Variants in UNC5C observed in about 807,000 individuals in gnomAD.
UNC5C encodes the protein netrin receptor UNC5C.
A neutral mutation model predicts 99.8 loss-of-function variants in UNC5C; 47 were observed. That is an observed-to-expected ratio of 0.47 (90% CI 0.37 to 0.60). The LOEUF is 0.60. Among genes scored for constraint, UNC5C ranks in the 20% least tolerant of loss-of-function variants. The pLI, the probability that UNC5C is intolerant of heterozygous loss-of-function variation, is 0.00. For missense variants in UNC5C, 1,062 were observed against 1,165.9 expected, an observed-to-expected ratio of 0.91 and a Z score of 1.30; for synonymous variants, 487 against 452.2, an observed-to-expected ratio of 1.08 and a Z score of -0.98.
intron 1 of UNC5C, among the ~76,000 whole-genome samples, chr4:95,418,641 C>G (rs184500339): frequency 6.6e-6 from 1 of 152,244 alleles, no homozygotes; most frequent in Non-Finnish European, 1.5e-5. Flanking sequence ...GCTGTCCATG[C>G]CTCTCTGACT....
At chr4:95,250,051 G>T (rs1200326561) in intron 5 of UNC5C, among the ~76,000 whole-genome samples, 2 of 152,070 alleles carry the variant, frequency 1.3e-5, no homozygotes, top group African/African-American at 4.8e-5. Context: ...CTGGAGAGAA[G>T]AGGGCTTATA....
At chr4:95,523,724 AC>A in intron 1 of UNC5C, among the ~76,000 whole-genome samples, 1 of 152,342 alleles carries the variant, frequency 6.6e-6, no homozygotes, top group Middle Eastern at 3.4e-3. Context: ...AAAACCATGT[AC>A]TACAAAAAAA....
At chr4:95,260,858 C>T (rs1024939903) in intron 4 of UNC5C, among the ~76,000 whole-genome samples, 3 of 152,136 alleles carry the variant, frequency 2.0e-5, no homozygotes, top group Admixed American at 6.5e-5. Context: ...AAACAAGAAG[C>T]TTGTATGGTG....
At chr4:95,346,317 A>G (rs1743770572) in intron 1 of UNC5C, among the ~76,000 whole-genome samples, 1 of 152,072 alleles carries the variant, frequency 6.6e-6, no homozygotes, top group South Asian at 2.1e-4. Flanking sequence ...AAAAGCCAGG[A>G]CCCAATGGCT....
chr4:95,391,915 T>C (rs1383855678), intron 1 of UNC5C, among the ~76,000 whole-genome samples: 1 of 151,976 alleles, frequency 6.6e-6, no homozygotes, highest in Non-Finnish European at 1.5e-5. Context: ...CAGCTCTAGC[T>C]GACCCCTGGC....
rs973080919 is a variant in UNC5C, at chr4:95,284,341, G to A, written c.491-5979C>T. On this transcript the variant is annotated intron_variant, in intron 3 of 15. Coordinates refer to ENST00000453304, the MANE Select transcript of UNC5C (RefSeq NM_003728.4). ...ATTCTGAAGGATGATTTTGCTGTAAGGACCTATTACTGAACAGACTGAGAT... is the reference window on the plus strand; with the variant it reads ...ATTCTGAAGGATGATTTTGCTGTAAAGACCTATTACTGAACAGACTGAGAT... 9.8e-5 allele frequency among the ~76,000 whole-genome samples: 15 copies of A among 152,312 alleles called. No individual in the cohort carries two copies. The East Asian group carries it at 2.5e-3, about 25-fold the overall frequency.
At chr4:95,192,628 C>T (rs1332707707) in intron 12 of UNC5C, among the ~76,000 whole-genome samples, 1 of 149,720 alleles carries the variant, frequency 6.7e-6, no homozygotes, top group Admixed American at 6.7e-5. Flanking sequence ...CCCTGCTCAC[C>T]CTCCTCTCCT....
intron 10 of UNC5C, among the ~76,000 whole-genome samples, chr4:95,211,552 A>C (rs1316632559): frequency 2.0e-5 from 3 of 152,244 alleles, no homozygotes; most frequent in Non-Finnish European, 2.9e-5. Context: ...AACCAAAGGA[A>C]AAATAATTGG....
intron 12 of UNC5C, among the ~76,000 whole-genome samples, chr4:95,197,241 T>C (rs1004467116): frequency 1.3e-5 from 2 of 150,950 alleles, no homozygotes; most frequent in Admixed American, 6.7e-5. Flanking sequence ...GCTCCAGACA[T>C]TGGGGCAGTC....
At chr4:95,201,643 G>A (rs182279866) in intron 12 of UNC5C, among the ~76,000 whole-genome samples, 61 of 150,016 alleles carry the variant, frequency 4.1e-4, no homozygotes, top group Non-Finnish European at 8.0e-4. Flanking sequence ...TCACTCTGTC[G>A]CCTAGGCTGG....
rs10527279 is a variant in UNC5C at position 95,394,651 on chromosome 4, C to CTGTGTGTGTGTGTGTGTGTGTG, written c.125-59042_125-59021dup. 2.3e-3 allele frequency among the ~76,000 whole-genome samples: 339 copies of CTGTGTGTGTGTGTGTGTGTGTG among 147,742 alleles called. 2 individuals are homozygous for CTGTGTGTGTGTGTGTGTGTGTG. Among genetic ancestry groups the CTGTGTGTGTGTGTGTGTGTGTG allele is most frequent in the African/African-American group, 6.4e-3 (255 of 39,612 alleles). On this transcript the variant is annotated intron_variant, in intron 1 of 15. Coordinates refer to ENST00000453304, the MANE Select transcript of UNC5C (RefSeq NM_003728.4). ...GGCATCTGCTATGAAAAGGTATTTG[C>CTGTGTGTGTGTGTGTGTGTGTG]TGTGTGTGTGTGTGTGTGTGTGTGC...
At chr4:95,341,071 G>GACA (rs1743554707) in intron 1 of UNC5C, among the ~76,000 whole-genome samples, 1 of 152,094 alleles carries the variant, frequency 6.6e-6, no homozygotes, top group Non-Finnish European at 1.5e-5. Flanking sequence ...TATCACAGAA[G>GACA]ATAGAATTTG....
In UNC5C at chr4:95,502,347, C is replaced by T. The variant is rs573825776; in HGVS notation, c.124+46387G>A. ...GCAGTAGTGCAATCATAGCTCTCTG[C>T]CGCCTTGAACTCCTGGGTTCAATCG... is the stretch of plus-strand genomic sequence containing the variant. On this transcript the variant is annotated intron_variant, in intron 1 of 15. Transcript: ENST00000453304. Among the ~76,000 whole-genome samples, 8 of 152,204 alleles carry T rather than the reference C, an allele frequency of 5.3e-5. No homozygotes were observed. In the East Asian group the frequency reaches 1.4e-3, roughly 26 times the overall value.
Position 95,290,214 on chromosome 4 carries a change from G to A in UNC5C, c.490+11392C>T, listed in dbSNP as rs186580024. Among the ~76,000 whole-genome samples, 1,124 of 152,142 alleles carry A rather than the reference G, an allele frequency of 7.4e-3. 12 individuals carry two copies. The highest frequency in any genetic ancestry group is 0.025 in the African/African-American group (1,025 of 41,518). ...CCAGATACTAGGGAGGCTGAGGTGG[G>A]AGGATCGCTTGAGCCCAAGAAAGTT... On this transcript the variant is annotated intron_variant, in intron 3 of 15. Transcript: ENST00000453304.
At chr4:95,445,288 C>T (rs3926528) in intron 1 of UNC5C, among the ~76,000 whole-genome samples, 8,972 of 152,010 alleles carry the variant, frequency 0.059, 335 homozygotes, top group African/African-American at 0.1. Flanking sequence ...ATTTCATCTG[C>T]CCTCCAACCC....
intron 1 of UNC5C, among the ~76,000 whole-genome samples, chr4:95,377,311 C>T (rs923769384): frequency 1.2e-4 from 19 of 152,100 alleles, no homozygotes; most frequent in Admixed American, 1.1e-3. Flanking sequence ...ATTGAATGAT[C>T]AATTATTCAA....
chr4:95,177,015 T>C (rs902095681), intron 14 of UNC5C, among the ~76,000 whole-genome samples: 36 of 152,300 alleles, frequency 2.4e-4, no homozygotes, highest in African/African-American at 6.7e-4. Flanking sequence ...CCAGGTGCCG[T>C]CTGTCACCCC....
intron 10 of UNC5C, among the ~76,000 whole-genome samples, chr4:95,213,613 G>C (rs529418184): frequency 6.6e-6 from 1 of 152,300 alleles, no homozygotes; most frequent in East Asian, 1.9e-4. Flanking sequence ...CCTCCCTTCA[G>C]ACAATTCACA....
At chr4:95,252,496 A>G (rs1241885498) in intron 4 of UNC5C, among the ~76,000 whole-genome samples, 1 of 152,134 alleles carries the variant, frequency 6.6e-6, no homozygotes, top group African/African-American at 2.4e-5. Context: ...CATTAGCCCC[A>G]TTAGCCATTG....
Sources: gnomAD v4.1 joint callset for allele counts (sites outside exome capture counted in the v4.1 genomes callset) on GRCh38, gnomAD v4.1.1 for gene constraint, MANE v1.5 for transcripts, NCBI Gene and HGNC (gene_info 2026-07-23, HGNC 2026-07-21) for gene names.